The following CCDC15 variants were observed in gnomAD, a reference collection of about 807,000 sequenced individuals.
The protein encoded by CCDC15 is coiled-coil domain containing 15, also known as coiled-coil domain-containing protein 15.
Under a neutral mutation model 114.5 loss-of-function variants are expected in CCDC15, and 105 were observed. That is an observed-to-expected ratio of 0.92 (90% confidence interval 0.78 to 1.08). The LOEUF (loss-of-function observed/expected upper bound fraction) is 1.08. CCDC15 is among the 50% of genes least tolerant of loss of function. The pLI is 0.00. For synonymous variants in CCDC15, 334 were observed against 377.8 expected (o/e 0.88, Z 1.34); for missense variants, 1,105 against 1,093.6 (o/e 1.01, Z -0.15).
intron 6 of CCDC15, among the ~76,000 whole-genome samples, chr11:124,979,142 C>T (rs1219307533): frequency 6.6e-6 from 1 of 152,044 alleles, no homozygotes; most frequent in Non-Finnish European, 1.5e-5. Flanking sequence ...TCTATCTGTT[C>T]CATTGGTCCA....
At chr11:124,955,001 C>G in intron 2 of CCDC15, 92 bp downstream of exon 2, 1 of 1,101,526 alleles carries the variant, frequency 9.1e-7, no homozygotes, top group Admixed American at 2.4e-5. Flanking sequence ...ATGAACAGTC[C>G]GAGGATGCTG....
At chr11:124,983,799 TGGGGTGCCGGCAGGTGCA>T (rs889531550) in intron 6 of CCDC15, among the ~76,000 whole-genome samples, 24 of 152,136 alleles carry the variant, frequency 1.6e-4, no homozygotes, top group Admixed American at 1.2e-3. Context: ...CACGCCGTGG[TGGGGTGCCGGCAGGTGCA>T]GGGGTGCTGG....
At chr11:125,012,836 C>T (rs1948603370) in intron 13 of CCDC15, among the ~76,000 whole-genome samples, 1 of 152,026 alleles carries the variant, frequency 6.6e-6, no homozygotes, top group Non-Finnish European at 1.5e-5. Flanking sequence ...GTTCTATATG[C>T]TGAGAATATA....
intron 8 of CCDC15, among the ~76,000 whole-genome samples, chr11:124,989,972 A>C (rs538317058): frequency 2.8e-4 from 43 of 152,326 alleles, no homozygotes; most frequent in Middle Eastern, 3.4e-3. Context: ...AATTTCCTTC[A>C]AGAACTTTTC....
In CCDC15 at chr11:125,041,482, G is replaced by C. The variant is rs566330879; in HGVS notation, c.*771G>C. On this transcript the variant is annotated 3_prime_UTR_variant, in exon 16 of 16. Coordinates refer to ENST00000344762, the MANE Select transcript of CCDC15 (RefSeq NM_025004.3). ...AAATGAAATAAAAATTGCCATAGTT[G>C]GTATGAATTTGTTATTTCCTTGCAG... The C allele has an allele frequency of 6.6e-6, 1 of 151,930 alleles. No individual in the cohort carries two copies. Among genetic ancestry groups the C allele is most frequent in the African/African-American group, 2.4e-5 (1 of 41,440 alleles). The allele number at this position is 151,930 out of a possible 1,614,324, so 9.4% of individuals were successfully genotyped here.
At chr11:124,957,246 T>A (rs913630107) in intron 2 of CCDC15, among the ~76,000 whole-genome samples, 2 of 152,210 alleles carry the variant, frequency 1.3e-5, no homozygotes, top group African/African-American at 4.8e-5. Flanking sequence ...CCTTGACTAT[T>A]TTCCGGCTAT....
At chr11:125,006,920 T>C (rs2135520021) in intron 13 of CCDC15, among the ~76,000 whole-genome samples, 1 of 152,358 alleles carries the variant, frequency 6.6e-6, no homozygotes, top group African/African-American at 2.4e-5. Flanking sequence ...CTGTTTTGAT[T>C]ATTGTAGCTT....
chr11:124,973,057 C>T (rs1409976396), intron 4 of CCDC15, among the ~76,000 whole-genome samples: 1 of 152,116 alleles, frequency 6.6e-6, no homozygotes, highest in African/African-American at 2.4e-5. Context: ...GTCCTCAAAG[C>T]ATGTCATTGA....
Position 124,959,837 on chromosome 11 carries a change from C to T in CCDC15, c.350C>T (p.Ala117Val). ...TAGGCACAAAAAGAAGGCTCCATAGCCATGCAGTCTTCAGCAACACACTTA... is the reference window on the plus strand; with the variant it reads ...TAGGCACAAAAAGAAGGCTCCATAGTCATGCAGTCTTCAGCAACACACTTA... ...YERAQKEGSI[A>V]MQSSATHLTS... The change falls in exon 4 of 16, where the codon GCC (alanine) becomes GTC (valine). Residue 117 changes from alanine (A) to valine (V), a missense_variant. Transcript: ENST00000344762. The T allele has an allele frequency of 6.2e-7, 1 of 1,601,570 alleles. No homozygotes were observed. Among genetic ancestry groups the T allele is most frequent in the Non-Finnish European group, 8.5e-7 (1 of 1,173,410 alleles).
In CCDC15 at chr11:124,984,515, G is replaced by T. The variant is rs190167350; in HGVS notation, c.754-2227G>T. On this transcript the variant is annotated intron_variant, in intron 6 of 15. Transcript: ENST00000344762. ...TGGCTAATGTCTCCTAGGGGAGCAA[G>T]GTGGGCCTTGGGGGATGGACAGCCT... is the stretch of plus-strand genomic sequence containing the variant. 1.2e-4 allele frequency among the ~76,000 whole-genome samples: 19 copies of T among 152,250 alleles called. No homozygotes were observed. In the East Asian group the frequency reaches 3.7e-3, roughly 29 times the overall value.
intron 4 of CCDC15, among the ~76,000 whole-genome samples, chr11:124,970,834 A>G (rs1490443015): frequency 2.6e-5 from 4 of 152,204 alleles, no homozygotes; most frequent in African/African-American, 9.6e-5. Flanking sequence ...AAATTTTACT[A>G]TCTAATCATA....
intron 4 of CCDC15, among the ~76,000 whole-genome samples, chr11:124,965,065 G>A (rs907157953): frequency 3.3e-5 from 5 of 151,968 alleles, no homozygotes; most frequent in African/African-American, 1.2e-4. Context: ...GAAGATTTTT[G>A]CATCGATGTT....
intron 13 of CCDC15, among the ~76,000 whole-genome samples, chr11:125,030,400 A>G (rs893017946): frequency 6.6e-6 from 1 of 152,194 alleles, no homozygotes; most frequent in African/African-American, 2.4e-5. Flanking sequence ...CATGAGCAGG[A>G]GCCCACTGCT....
chr11:124,993,922 T>C (rs1207893111), intron 11 of CCDC15, among the ~76,000 whole-genome samples: 1 of 152,246 alleles, frequency 6.6e-6, no homozygotes, highest in African/African-American at 2.4e-5. Context: ...CCATAGAAGA[T>C]AGATACTATT....
intron 13 of CCDC15, among the ~76,000 whole-genome samples, chr11:125,034,579 A>G (rs1323031152): frequency 6.6e-6 from 1 of 152,226 alleles, no homozygotes; most frequent in Non-Finnish European, 1.5e-5. Flanking sequence ...CTTAGGAGCA[A>G]CCAACCAACT....
rs542135891 is a variant in CCDC15, at chr11:124,978,529, C to A, written c.753+929C>A. 2.6e-5 allele frequency among the ~76,000 whole-genome samples: 4 copies of A among 151,970 alleles called. No homozygotes were observed. In the East Asian group the frequency reaches 7.7e-4, roughly 29 times the overall value. On this transcript the variant is annotated intron_variant, in intron 6 of 15. Transcript: ENST00000344762. ...CCACAGCCGTGTCAGCATCTGTAAT[C>A]TTTTGGCTTTTTCTGACTGGTGTGA...
intron 13 of CCDC15, among the ~76,000 whole-genome samples, chr11:125,005,598 C>T (rs960157956): frequency 2.0e-5 from 3 of 152,086 alleles, no homozygotes; most frequent in Admixed American, 1.3e-4. Flanking sequence ...TAGGGTTCAC[C>T]TTTGGTGTTA....
At chr11:125,003,277 C>T (rs1205870008) in intron 11 of CCDC15, among the ~76,000 whole-genome samples, 1 of 97,654 alleles carries the variant, frequency 1.0e-5, no homozygotes. Flanking sequence ...AACTCTTAAA[C>T]TTAAGAGATG....
intron 6 of CCDC15, 36 bp from the exon 7 acceptor site, chr11:124,986,706 C>CGCGCGCGT (rs768500514): frequency 5.1e-6 from 7 of 1,386,102 alleles, no homozygotes; most frequent in Non-Finnish European, 6.7e-6. Flanking sequence ...TGTGTGCGCG[C>CGCGCGCGT]GCGCGCGTGC....
Sources: gnomAD v4.1 joint callset for allele counts (sites outside exome capture counted in the v4.1 genomes callset) on GRCh38, gnomAD v4.1.1 for gene constraint, MANE v1.5 for transcripts, NCBI Gene and HGNC (gene_info 2026-07-23, HGNC 2026-07-21) for gene names.